HAUS5: variants seen among roughly 807,000 people sequenced by gnomAD.
HAUS5 encodes the protein HAUS augmin-like complex subunit 5.
In HAUS5, 67 loss-of-function variants were observed where a neutral mutation model predicts 94.1. The ratio of observed to expected loss-of-function variants is 0.71; its 90% confidence interval spans 0.58 to 0.87. The LOEUF is 0.87. Among genes scored for constraint, HAUS5 ranks in the 40% least tolerant of loss-of-function variants. The probability of loss-of-function intolerance (pLI) is 0.00; values close to 1 mark genes in which losing one functional copy is unlikely to be tolerated. For missense variants in HAUS5, 739 were observed against 825.6 expected (o/e 0.90, Z 1.29); for synonymous variants, 339 against 355.4 (o/e 0.95, Z 0.52).
At position 35,618,610 on chromosome 19, in the gene HAUS5, C is replaced by G. The variant is rs1967147278; in HGVS notation, c.927C>G (p.Ser309Arg). 6.2e-7 allele frequency: 1 copy of G among 1,607,220 alleles called. No individual in the cohort carries two copies. The highest frequency in any genetic ancestry group is 8.5e-7 in the Non-Finnish European group (1 of 1,174,826). ...RTVGVLVSQR[S>R]TLLKERQVLT... is the part of the protein sequence containing the mutation. Reference sequence around the variant, plus strand: ...TGGGTGTGCTGGTCTCCCAGCGGAGCACCCTCCTGAAGGAGCGGCAAGTCT... The same window carrying G: ...TGGGTGTGCTGGTCTCCCAGCGGAGGACCCTCCTGAAGGAGCGGCAAGTCT... Residue 309 changes from serine to arginine, a missense_variant, in exon 12 of 19, where the codon AGC becomes AGG. By Grantham distance (110) the Ser-to-Arg change is moderately radical. Transcript: ENST00000203166.
At chr19:35,617,423 G>A in intron 8 of HAUS5, 54 bp downstream of exon 8, 1 of 1,190,416 alleles carries the variant, frequency 8.4e-7, no homozygotes, top group Non-Finnish European at 1.2e-6. Flanking sequence ...TTTAAGTGGG[G>A]GTCTCTTATT....
chr19:35,617,014 G>A (rs1039520571), intron 6 of HAUS5, 110 bp from the exon 7 acceptor site: 3 of 865,634 alleles, frequency 3.5e-6, no homozygotes, highest in Non-Finnish European at 5.7e-6. Context: ...TGGCTCCCGA[G>A]ATCTAGGCTT....
chr19:35,625,280 CAAGT>C lies in HAUS5; in HGVS notation c.*2290_*2293del, dbSNP rs1181304055. 1.3e-5 allele frequency: 2 copies of C among 152,050 alleles called. No individual in the cohort carries two copies. Among genetic ancestry groups the C allele is most frequent in the Admixed American group, 6.6e-5 (1 of 15,256 alleles). The allele number at this position is 152,050 out of a possible 1,614,324, so 9.4% of individuals were successfully genotyped here. On this transcript the variant is annotated 3_prime_UTR_variant, in exon 19 of 19. Transcript: ENST00000203166. Reference sequence around the variant, plus strand: ...TGAAAAAAGATAACAAATATAAACTCAAGTAAACACCCTGTAGTCTTTCACATGA... The same window carrying C: ...TGAAAAAAGATAACAAATATAAACTCAAACACCCTGTAGTCTTTCACATGA...
rs376458399 is a variant in HAUS5 at position 35,617,321 on chromosome 19, A to G, written c.590A>G (p.Gln197Arg). 40 of 1,613,892 alleles carry G rather than the reference A, an allele frequency of 2.5e-5. No homozygotes were observed. Among genetic ancestry groups the G allele is most frequent in the Non-Finnish European group, 3.1e-5 (37 of 1,179,892 alleles). Residue 197 changes from glutamine to arginine, a missense_variant, in exon 8 of 19, where the codon CAG (glutamine) becomes CGG (arginine). Gln to Arg is a conservative substitution (Grantham distance 43). Coordinates refer to ENST00000203166, the MANE Select transcript of HAUS5 (RefSeq NM_015302.2). ...DVRTACTLRA[Q>R]FLQNLLLPQA... ...CGAACAGCCTGCACCCTCCGGGCCC[A>G]GTTCCTGCAGAACCTCCTGCTTCCC...
Position 35,618,399 on chromosome 19 carries a change from C to CCCA in HAUS5, c.822-3_822-2insCCA. The stretch of plus-strand genomic sequence containing the variant: ...TCCCTCAGCAGCTCTTCCCCCACCC[C>CCCA]AGACCCCAGGCCCCGGACCAGTCAG... On this transcript the variant is annotated splice_region_variant and splice_polypyrimidine_tract_variant and intron_variant, in intron 10 of 18. Transcript: ENST00000203166. 6.2e-7 allele frequency: 1 copy of CCCA among 1,606,724 alleles called. No individual in the cohort carries two copies. The highest frequency in any genetic ancestry group is 8.5e-7 in the Non-Finnish European group (1 of 1,174,176).
At chr19:35,614,293 G>A in intron 4 of HAUS5, 2 of 586,194 alleles carry the variant, frequency 3.4e-6, no homozygotes, top group Non-Finnish European at 6.1e-6. Flanking sequence ...CCTCATCTCA[G>A]GTGATGAGAT....
In HAUS5 at chr19:35,618,100, C is replaced by T. The variant is rs1361078561; in HGVS notation, c.726C>T (p.His242=). The change falls in exon 10 of 19, where the codon CAC becomes CAT. Residue 242 remains histidine (H), a synonymous_variant. Coordinates refer to ENST00000203166, the MANE Select transcript of HAUS5 (RefSeq NM_015302.2). ...TGCTGACAAACCACCCCCCAGGCCACGTCCTGGCTGCCTTGGAGCACCTGG... is the reference window on the plus strand; with the variant it reads ...TGCTGACAAACCACCCCCCAGGCCATGTCCTGGCTGCCTTGGAGCACCTGG... ...ETLLTNHPPG[H]VLAALEHLAA... The T allele has an allele frequency of 5.6e-6, 9 of 1,605,196 alleles. No homozygotes were observed. The highest frequency in any genetic ancestry group is 1.7e-4 in the Middle Eastern group (1 of 6,044).
chr19:35,612,815 G>T lies in HAUS5; in HGVS notation c.21G>T (p.Ala7=), dbSNP rs1193043138. MELAQE[A]RELGCWAVEE... is the part of the protein sequence containing the mutation. ...CTGTCATGGAGCTAGCGCAGGAAGC[G>T]CGGGAACTGGGTTGCTGGGCGGTCG... Residue 7 remains alanine, a synonymous_variant, in exon 1 of 19, where the codon GCG becomes GCT. Coordinates refer to ENST00000203166, the MANE Select transcript of HAUS5 (RefSeq NM_015302.2). 1 of 1,547,738 alleles carries T rather than the reference G, an allele frequency of 6.5e-7. No homozygotes were observed. The highest frequency in any genetic ancestry group is 8.7e-7 in the Non-Finnish European group (1 of 1,145,744).
chr19:35,619,989 C>T (rs761369492), intron 15 of HAUS5, 23 bp from the exon 16 acceptor site: 5 of 1,608,106 alleles, frequency 3.1e-6, no homozygotes, highest in Non-Finnish European at 4.3e-6. Flanking sequence ...CCCCACCCAA[C>T]CCAGACTTCT....
chr19:35,619,698 A>T lies in HAUS5; in HGVS notation c.1346A>T (p.Glu449Val). ...CGGGAGCTGCTGCGCTGTCTGGAGG[A>T]GGAAGTCCGGCATTTGCCCCACATT... ...QSRELLRCLE[E>V]EVRHLPHILL... Residue 449 changes from glutamate to valine, a missense_variant, in exon 15 of 19, where the codon GAG becomes GTG. Glu to Val is a moderately radical substitution (Grantham distance 121). Transcript: ENST00000203166. The T allele has an allele frequency of 1.3e-6, 2 of 1,572,924 alleles. No homozygotes were observed. The highest frequency in any genetic ancestry group is 1.7e-6 in the Non-Finnish European group (2 of 1,160,624).
At position 35,624,102 on chromosome 19, in the gene HAUS5, G is replaced by GTTTTTTTTTTTTTTTTTTTTT. The variant is rs55750807; in HGVS notation, c.*1129_*1130insTTTTTTTTTTTTTTTTTTTTT. 1 of 103,980 alleles carries GTTTTTTTTTTTTTTTTTTTTT rather than the reference G, an allele frequency of 9.6e-6. No homozygotes were observed. The highest frequency in any genetic ancestry group is 1.8e-5 in the Non-Finnish European group (1 of 55,238). The allele number at this position is 103,980 out of a possible 1,614,324, so 6.4% of individuals were successfully genotyped here. On this transcript the variant is annotated 3_prime_UTR_variant, in exon 19 of 19. Transcript: ENST00000203166. ...GTCATATCTGTTCTTGTTTTCTTTTGTTTTTTTTTTTTTTTTTTTTGAGAT... is the reference window on the plus strand; with the variant it reads ...GTCATATCTGTTCTTGTTTTCTTTTGTTTTTTTTTTTTTTTTTTTTTTTTTTTTTTTTTTTTTTTTTGAGAT...
In HAUS5 at chr19:35,624,106, T is replaced by TTG. The variant is rs1555716016; in HGVS notation, c.*1114_*1115insGT. 3 of 141,784 alleles carry TTG rather than the reference T, an allele frequency of 2.1e-5. No homozygotes were observed. Among genetic ancestry groups the TTG allele is most frequent in the Admixed American group, 1.4e-4 (2 of 14,166 alleles). The allele number at this position is 141,784 out of a possible 1,614,324, so 8.8% of individuals were successfully genotyped here. Reference sequence around the variant, plus strand: ...TATCTGTTCTTGTTTTCTTTTGTTTTTTTTTTTTTTTTTTTTGAGATGCAG... The same window carrying TTG: ...TATCTGTTCTTGTTTTCTTTTGTTTTTGTTTTTTTTTTTTTTTTGAGATGCAG... On this transcript the variant is annotated 3_prime_UTR_variant, in exon 19 of 19. Transcript: ENST00000203166.
At chr19:35,618,336 G>C (rs923605758) in intron 10 of HAUS5, 66 bp from the exon 11 acceptor site, 17 of 1,607,430 alleles carry the variant, frequency 1.1e-5, no homozygotes, top group Non-Finnish European at 1.4e-5. Context: ...GACTGATACT[G>C]TCCACCCTCG....
In HAUS5 at chr19:35,619,752, C is replaced by T; in HGVS notation, c.1400C>T (p.Pro467Leu). ...TTGGGCACGCTGCTGCGGCACAGGC[C>T]GGGAGAGTGAGACTGGGGCTGCCCC... The part of the protein sequence containing the change: ...ILLGTLLRHR[P>L]GELKPLPTVL... Residue 467 changes from proline (P) to leucine (L), a missense_variant, in exon 15 of 19, where the codon CCG (proline) becomes CTG (leucine). Coordinates refer to ENST00000203166, the MANE Select transcript of HAUS5 (RefSeq NM_015302.2). The T allele has an allele frequency of 5.2e-6, 8 of 1,550,302 alleles. No individual in the cohort carries two copies. The highest frequency in any genetic ancestry group is 1.2e-5 in the South Asian group (1 of 83,164).
At position 35,622,874 on chromosome 19, in the gene HAUS5, A is replaced by G. The variant is rs1333284108; in HGVS notation, c.1785-2A>G. On this transcript the variant is annotated splice_acceptor_variant, in intron 18 of 18. Coordinates refer to ENST00000203166, the MANE Select transcript of HAUS5 (RefSeq NM_015302.2). LOFTEE classifies it high-confidence loss of function. ...CCTCGTTGACGCCATGCCATTCCCC[A>G]GGTGGGAGCAGCCAGGCCAGGCCGC... The G allele has an allele frequency of 1.9e-6, 3 of 1,612,946 alleles. No homozygotes were observed. The African/African-American group carries it at 4.0e-5, about 22-fold the overall frequency.
At chr19:35,613,658 C>T in intron 1 of HAUS5, 72 bp from the exon 2 acceptor site, 2 of 1,396,336 alleles carry the variant, frequency 1.4e-6, no homozygotes, top group Non-Finnish European at 1.0e-6. Context: ...TCCCTACCAC[C>T]ATCACCCTAG....
chr19:35,617,271 C>T lies in HAUS5; in HGVS notation c.556-16C>T. ...GCTAGGGTCCCCCTCAGGTCCCTTCCTCCTCTTCTCCCTAGCGTGATGTCC... is the reference window on the plus strand; with the variant it reads ...GCTAGGGTCCCCCTCAGGTCCCTTCTTCCTCTTCTCCCTAGCGTGATGTCC... On this transcript the variant is annotated splice_polypyrimidine_tract_variant and intron_variant, in intron 7 of 18. Transcript: ENST00000203166. 1 of 1,611,560 alleles carries T rather than the reference C, an allele frequency of 6.2e-7. No homozygotes were observed. Among genetic ancestry groups the T allele is most frequent in the Non-Finnish European group, 8.5e-7 (1 of 1,177,706 alleles).
intron 4 of HAUS5, 61 bp from the exon 5 acceptor site, chr19:35,614,981 C>T (rs1354330316): frequency 2.3e-6 from 3 of 1,313,654 alleles, no homozygotes; most frequent in East Asian, 5.0e-5. Flanking sequence ...CTGGTACCCC[C>T]AAAAGACAGG....
intron 17 of HAUS5, among the ~76,000 whole-genome samples, chr19:35,621,353 GT>G (rs1255676705): frequency 1.3e-5 from 2 of 151,988 alleles, no homozygotes; most frequent in Non-Finnish European, 2.9e-5. Flanking sequence ...TTTTGCTTTT[GT>G]TTTTTTGAGA....
Sources: allele counts gnomAD v4.1 joint callset (sites outside exome capture counted in the v4.1 genomes callset), GRCh38; gene constraint gnomAD v4.1.1; transcripts MANE v1.5; gene names NCBI Gene and HGNC (gene_info 2026-07-23, HGNC 2026-07-21).